The following TBC1D8 variants were observed in gnomAD, a reference collection of about 807,000 sequenced individuals.
The protein encoded by TBC1D8 is BUB2-like protein 1.
TBC1D8 carries 65 observed loss-of-function variants against 118.8 expected under a neutral mutation model. That is an observed-to-expected ratio of 0.55 (90% CI 0.45 to 0.67). The LOEUF is 0.67. Among genes scored for constraint, TBC1D8 ranks in the 30% least tolerant of loss-of-function variants. The pLI is 0.00. For synonymous variants in TBC1D8, 566 were observed against 595.8 expected (o/e 0.95, Z 0.73); for missense variants, 1,376 against 1,471.2 (o/e 0.94, Z 1.06).
chr2:101,080,474 G>T (rs773703691), intron 2 of TBC1D8, among the ~76,000 whole-genome samples: 9 of 152,166 alleles, frequency 5.9e-5, no homozygotes, highest in Non-Finnish European at 1.3e-4. Flanking sequence ...TCTCTCCAAA[G>T]ACAAAGCAAA....
At position 101,036,045 on chromosome 2, in the gene TBC1D8, G is replaced by A. The variant is rs560817394; in HGVS notation, c.1576C>T (p.Arg526Ter). The A allele has an allele frequency of 1.2e-5, 19 of 1,613,938 alleles. No individual in the cohort carries two copies. The highest frequency in any genetic ancestry group is 2.2e-5 in the East Asian group (1 of 44,886). ...LVAMGIPESL[R>*]GRLWLLFSDA... is the part of the protein sequence containing the mutation. ...GAGAAGAGAAGCCAGAGTCTCCCTC[G>A]CAAAGATTCAGGGATGCCCATGGCT... The change falls in exon 9 of 20, where the codon CGA becomes TGA. Residue 526 changes from arginine to a stop codon, truncating the protein, a stop_gained. Coordinates refer to ENST00000409318, the MANE Select transcript of TBC1D8 (RefSeq NM_001330348.2). LOFTEE classifies it high-confidence loss of function.
intron 11 of TBC1D8, among the ~76,000 whole-genome samples, chr2:101,031,192 T>G (rs1680650237): frequency 6.6e-6 from 1 of 152,184 alleles, no homozygotes; most frequent in African/African-American, 2.4e-5. Flanking sequence ...TCCTTGCTAC[T>G]CTGTTCCTTA....
At position 101,028,133 on chromosome 2, in the gene TBC1D8, T is replaced by G. The variant is rs866837603; in HGVS notation, c.2366A>C (p.Gln789Pro). The change falls in exon 14 of 20, where the codon CAG (glutamine) becomes CCG (proline). Residue 789 changes from glutamine (Q) to proline (P), a missense_variant. Transcript: ENST00000409318. ...IRDSYEKFGDQSVEQIEHLRY... is the reference protein window; with the variant it reads ...IRDSYEKFGDPSVEQIEHLRY... ...TAGGTGCTCGATCTGCTCCACAGACTGGTCTCCAAATTTCTGCAGGGAAAA... is the reference window on the plus strand; with the variant it reads ...TAGGTGCTCGATCTGCTCCACAGACGGGTCTCCAAATTTCTGCAGGGAAAA... 2.5e-6 allele frequency: 4 copies of G among 1,613,906 alleles called. No homozygotes were observed. The South Asian group carries it at 4.4e-5, about 18-fold the overall frequency.
intron 1 of TBC1D8, among the ~76,000 whole-genome samples, chr2:101,149,561 T>C (rs1679462320): frequency 6.6e-6 from 1 of 152,218 alleles, no homozygotes; most frequent in Non-Finnish European, 1.5e-5. Flanking sequence ...CTTATGTTTC[T>C]CACTTCACAA....
chr2:101,148,755 C>A (rs1679423814), intron 1 of TBC1D8, among the ~76,000 whole-genome samples: 2 of 152,214 alleles, frequency 1.3e-5, no homozygotes, highest in Non-Finnish European at 2.9e-5. Context: ...TAGGCCACCA[C>A]TGCTTGCTTC....
At chr2:101,108,514 G>A (rs1050939291) in intron 1 of TBC1D8, among the ~76,000 whole-genome samples, 7 of 152,096 alleles carry the variant, frequency 4.6e-5, no homozygotes, top group East Asian at 1.9e-4. Context: ...CACTAGGATC[G>A]AGGTGGTGAC....
chr2:101,098,659 C>G (rs2105466584), intron 1 of TBC1D8, among the ~76,000 whole-genome samples: 1 of 152,226 alleles, frequency 6.6e-6, no homozygotes, highest in African/African-American at 2.4e-5. Flanking sequence ...AATCATAACA[C>G]ACAGTCTCTC....
chr2:101,054,288 C>T lies in TBC1D8; in HGVS notation c.451G>A (p.Glu151Lys). 1.3e-6 allele frequency: 2 copies of T among 1,588,488 alleles called. No homozygotes were observed. The highest frequency in any genetic ancestry group is 1.8e-5 in the Admixed American group (1 of 56,104). The change falls in exon 4 of 20, where the codon GAA (glutamate) becomes AAA (lysine). Residue 151 changes from glutamate to lysine, a missense_variant. Transcript: ENST00000409318. ...AGGGCTTCTCGGAATTTCTCGGGTT[C>T]CTCCTCCTGCTCGGCGAGCCTGCTG... ...TSSRLAEQEE[E>K]PEKFREALVK...
intron 2 of TBC1D8, among the ~76,000 whole-genome samples, chr2:101,059,808 G>A (rs946958204): frequency 7.9e-5 from 12 of 152,096 alleles, no homozygotes; most frequent in Admixed American, 7.2e-4. Context: ...GCGTGGTGGC[G>A]GGCACCTGTA....
intron 1 of TBC1D8, among the ~76,000 whole-genome samples, chr2:101,150,875 G>C (rs1160441767): frequency 6.6e-6 from 1 of 152,036 alleles, no homozygotes; most frequent in Non-Finnish European, 1.5e-5. Context: ...CCAGCTCACC[G>C]GGCCAGGCGG....
intron 3 of TBC1D8, 59 bp from the exon 4 acceptor site, chr2:101,054,395 G>A: frequency 3.9e-6 from 6 of 1,523,478 alleles, no homozygotes; most frequent in Non-Finnish European, 5.3e-6. Context: ...GGCAGGGGGT[G>A]CAAGGGACAG....
At chr2:101,028,634 C>T in intron 12 of TBC1D8, 1 of 600,150 alleles carries the variant, frequency 1.7e-6, no homozygotes, top group South Asian at 3.7e-5. Flanking sequence ...CCACAGGTGG[C>T]TTTCCAGGCC....
rs1012169004 is a variant in TBC1D8 at position 101,036,159 on chromosome 2, G to C, written c.1462C>G (p.Gln488Glu). 6.2e-7 allele frequency: 1 copy of C among 1,613,262 alleles called. No individual in the cohort carries two copies. Among genetic ancestry groups the C allele is most frequent in the East Asian group, 2.2e-5 (1 of 44,866 alleles). ...QSPDSRMSRE[Q>E]IKISLWNDHF... ...TCATTCCACAGGCTTATTTTTATCT[G>C]TTCTCTGGACTGGAAATGGGAATAT... Residue 488 changes from glutamine to glutamate, a missense_variant, in exon 9 of 20, where the codon CAG (glutamine) becomes GAG (glutamate). By Grantham distance (29) the Gln-to-Glu change is conservative. Transcript: ENST00000409318.
intron 2 of TBC1D8, among the ~76,000 whole-genome samples, chr2:101,085,943 C>G (rs1281282946): frequency 6.6e-6 from 1 of 152,112 alleles, no homozygotes; most frequent in African/African-American, 2.4e-5. Context: ...AGATTGAGAC[C>G]ATCCTGGCTA....
chr2:101,069,098 A>C (rs1347778376), intron 2 of TBC1D8, among the ~76,000 whole-genome samples: 1 of 149,094 alleles, frequency 6.7e-6, no homozygotes, highest in Non-Finnish European at 1.5e-5. Flanking sequence ...AGGAGTTCGG[A>C]ACCAGCCTGG....
chr2:101,024,295 A>G (rs369403158), intron 15 of TBC1D8, among the ~76,000 whole-genome samples: 5 of 152,074 alleles, frequency 3.3e-5, no homozygotes, highest in South Asian at 2.1e-4. Context: ...ATGAAATGCA[A>G]TTTTCCACTG....
intron 1 of TBC1D8, among the ~76,000 whole-genome samples, chr2:101,102,060 G>A (rs570052980): frequency 1.3e-5 from 2 of 149,920 alleles, no homozygotes; most frequent in Non-Finnish European, 3.0e-5. Context: ...GAGGAGGGGA[G>A]GGAAGGGGAG....
At position 101,028,149 on chromosome 2, in the gene TBC1D8, G is replaced by A. The variant is rs370095929; in HGVS notation, c.2353-3C>T. On this transcript the variant is annotated splice_region_variant and splice_polypyrimidine_tract_variant and intron_variant, in intron 13 of 19. Coordinates refer to ENST00000409318, the MANE Select transcript of TBC1D8 (RefSeq NM_001330348.2). ...TCCACAGACTGGTCTCCAAATTTCT[G>A]CAGGGAAAAAAGGGACCACTTGCTC... The A allele has an allele frequency of 8.7e-6, 14 of 1,613,592 alleles. No individual in the cohort carries two copies. In the African/African-American group the frequency reaches 1.2e-4, roughly 14 times the overall value.
chr2:101,032,559 C>T (rs961287208), intron 10 of TBC1D8, 174 bp from the exon 11 acceptor site: 3 of 562,650 alleles, frequency 5.3e-6, no homozygotes. Flanking sequence ...GCAACACAGT[C>T]CTCACAGGAC....
Sources: gnomAD v4.1 joint callset for allele counts (sites outside exome capture counted in the v4.1 genomes callset) on GRCh38, gnomAD v4.1.1 for gene constraint, MANE v1.5 for transcripts, NCBI Gene and HGNC (gene_info 2026-07-23, HGNC 2026-07-21) for gene names.